Variants in STK32B observed in about 807,000 individuals in gnomAD.
STK32B encodes serine/threonine-protein kinase 32B.
Under a neutral mutation model 52.6 loss-of-function variants are expected in STK32B, and 43 were observed. The observed-to-expected ratio is 0.82, with a 90% confidence interval of 0.64 to 1.05. The LOEUF (loss-of-function observed/expected upper bound fraction) is 1.05. STK32B is among the 50% of genes least tolerant of loss of function. STK32B has a pLI of 0.00. For missense variants in STK32B, 621 were observed against 534.6 expected (o/e 1.16, Z -1.59); for synonymous variants, 238 against 204.3 (o/e 1.17, Z -1.41).
intron 1 of STK32B, among the ~76,000 whole-genome samples, chr4:5,066,975 T>A (rs1742450045): frequency 6.6e-6 from 1 of 152,248 alleles, no homozygotes; most frequent in Admixed American, 6.5e-5. Flanking sequence ...CTCTTGTGGC[T>A]CTTTCATTAA....
At chr4:5,488,513 A>G (rs566408466) in intron 11 of STK32B, among the ~76,000 whole-genome samples, 1 of 152,310 alleles carries the variant, frequency 6.6e-6, no homozygotes, top group East Asian at 1.9e-4. Context: ...GTTATCATAA[A>G]TAATTACCTT....
At chr4:5,486,931 A>C (rs1462076510) in intron 11 of STK32B, among the ~76,000 whole-genome samples, 2 of 152,232 alleles carry the variant, frequency 1.3e-5, no homozygotes, top group Non-Finnish European at 2.9e-5. Context: ...GCAGTTAGCA[A>C]GTTCTGATTG....
At chr4:5,365,000 C>T (rs558260532) in intron 4 of STK32B, among the ~76,000 whole-genome samples, 69 of 152,210 alleles carry the variant, frequency 4.5e-4, no homozygotes, top group East Asian at 2.7e-3. Context: ...CTCAGCATCC[C>T]GAGTAGCTGG....
At chr4:5,160,087 G>T (rs968460033) in intron 2 of STK32B, among the ~76,000 whole-genome samples, 7 of 152,124 alleles carry the variant, frequency 4.6e-5, no homozygotes, top group African/African-American at 1.7e-4. Flanking sequence ...CAAAACACCC[G>T]CACAGACACA....
rs148702453 is a variant in STK32B, at chr4:5,408,320, C to T, written c.473-8525C>T. On this transcript the variant is annotated intron_variant, in intron 5 of 11. Coordinates refer to ENST00000282908, the MANE Select transcript of STK32B (RefSeq NM_018401.3). ...AGCCTGGGGGTGTTCTCATGAATGA[C>T]TGAGTTCTTGTGAGCTCTGGTTGTT... Among the ~76,000 whole-genome samples the T allele has an allele frequency of 5.0e-4, 76 of 152,206 alleles. 1 individual carries two copies. Among genetic ancestry groups the T allele is most frequent in the African/African-American group, 1.6e-3 (66 of 41,504 alleles).
chr4:5,221,379 T>C (rs1373404568), intron 3 of STK32B, among the ~76,000 whole-genome samples: 2 of 152,302 alleles, frequency 1.3e-5, no homozygotes, highest in South Asian at 2.1e-4. Flanking sequence ...CAAATTCCTA[T>C]AGGATATAGG....
intron 3 of STK32B, among the ~76,000 whole-genome samples, chr4:5,266,613 A>G (rs936283726): frequency 2.0e-5 from 3 of 152,214 alleles, no homozygotes; most frequent in African/African-American, 7.2e-5. Context: ...TTTCTGAATC[A>G]ACATTTTTTA....
intron 4 of STK32B, among the ~76,000 whole-genome samples, chr4:5,382,284 C>T (rs571742311): frequency 9.2e-5 from 14 of 152,284 alleles, no homozygotes; most frequent in East Asian, 3.9e-4. Flanking sequence ...GAAAGTCACT[C>T]AAATTCCTTG....
the STK32B span, among the ~76,000 whole-genome samples, chr4:5,045,113 G>T: frequency 6.6e-6 from 1 of 152,248 alleles, no homozygotes; most frequent in Non-Finnish European, 1.5e-5. Context: ...AAAGATGTCT[G>T]TCATACTTCC....
chr4:5,100,539 C>T (rs1713682424), intron 1 of STK32B, among the ~76,000 whole-genome samples: 1 of 137,514 alleles, frequency 7.3e-6, no homozygotes, highest in Non-Finnish European at 1.6e-5. Context: ...TCCTTCCTTC[C>T]TTTCCTCCTT....
chr4:5,475,592 G>T (rs1484471416), intron 11 of STK32B, among the ~76,000 whole-genome samples: 2 of 151,556 alleles, frequency 1.3e-5, no homozygotes, highest in East Asian at 4.0e-4. Flanking sequence ...CAGCTACCCA[G>T]GAGGCTGAGG....
At chr4:5,492,635 G>T (rs1337936453) in intron 11 of STK32B, among the ~76,000 whole-genome samples, 1 of 149,814 alleles carries the variant, frequency 6.7e-6, no homozygotes, top group Admixed American at 6.6e-5. Context: ...GGTGAGAGAG[G>T]GCATCCCTGT....
At chr4:5,088,999 GC>G (rs1712895864) in intron 1 of STK32B, among the ~76,000 whole-genome samples, 1 of 151,730 alleles carries the variant, frequency 6.6e-6, no homozygotes, top group Admixed American at 6.6e-5. Context: ...AATCAAAAAA[GC>G]CAAAAATTTG....
At chr4:5,135,229 A>G (rs1160531090) in intron 1 of STK32B, among the ~76,000 whole-genome samples, 1 of 152,254 alleles carries the variant, frequency 6.6e-6, no homozygotes, top group Non-Finnish European at 1.5e-5. Context: ...TAATTAAGAT[A>G]CCATGTACAA....
chr4:5,493,910 G>C (rs944199728), intron 11 of STK32B, among the ~76,000 whole-genome samples: 1 of 152,380 alleles, frequency 6.6e-6, no homozygotes, highest in Admixed American at 6.5e-5. Context: ...TCTTAATCCT[G>C]AGTTCTAGTT....
At chr4:5,271,460 T>C (rs920756191) in intron 3 of STK32B, among the ~76,000 whole-genome samples, 3 of 151,938 alleles carry the variant, frequency 2.0e-5, no homozygotes, top group Non-Finnish European at 4.4e-5. Context: ...TTTGTTCTTT[T>C]GGCTTAGGAT....
chr4:5,396,189 G>A lies in STK32B; in HGVS notation c.435-2018G>A, dbSNP rs1230971686. 6.6e-6 allele frequency among the ~76,000 whole-genome samples: 1 copy of A among 152,160 alleles called. No individual in the cohort carries two copies. Among genetic ancestry groups the A allele is most frequent in the Non-Finnish European group, 1.5e-5 (1 of 68,034 alleles). ...AGTCCAAAATCAAAGAGGAGTCATG[G>A]CTGTGCTTCCTCTGGAGGTTCAGGA... is the stretch of plus-strand genomic sequence containing the variant. On this transcript the variant is annotated intron_variant, in intron 4 of 11. Coordinates refer to ENST00000282908, the MANE Select transcript of STK32B (RefSeq NM_018401.3). This position sits in a 1 kb window ranked among gnomAD's most constrained non-coding sequence, Gnocchi z 4.7.
At chr4:5,043,272 C>A in the STK32B span, among the ~76,000 whole-genome samples, 3 of 152,312 alleles carry the variant, frequency 2.0e-5, no homozygotes, top group South Asian at 6.2e-4. Flanking sequence ...TTGTCTCAAT[C>A]CTTTCCAATA....
At chr4:5,392,765 C>A (rs1165559118) in intron 4 of STK32B, among the ~76,000 whole-genome samples, 1 of 152,172 alleles carries the variant, frequency 6.6e-6, no homozygotes, top group Non-Finnish European at 1.5e-5. Context: ...GCCTCCCCAG[C>A]ACCTGGTAAC....
Sources: gnomAD v4.1 joint callset for allele counts (sites outside exome capture counted in the v4.1 genomes callset) on GRCh38, gnomAD v4.1.1 for gene constraint, Gnocchi (gnomAD v3.1) non-coding constraint, MANE v1.5 for transcripts, NCBI Gene and HGNC (gene_info 2026-07-23, HGNC 2026-07-21) for gene names.